Variants in LRCH2 observed in about 807,000 individuals in gnomAD.
LRCH2 encodes leucine-rich repeat and calponin homology domain-containing protein 2.
LRCH2 carries 38 observed loss-of-function variants against 68.9 expected under a neutral mutation model. The ratio of observed to expected loss-of-function variants is 0.55; its 90% CI spans 0.43 to 0.72. LRCH2 has a LOEUF of 0.72. Ranked by LOEUF, LRCH2 falls within the 30% of genes least tolerant of loss-of-function variation. The pLI is 0.00. For missense variants in LRCH2, 528 were observed against 572.9 expected (o/e 0.92, Z 0.80); for synonymous variants, 191 against 208.1 (o/e 0.92, Z 0.71).
At chrX:115,115,622 T>C (rs2072075257) in intron 20 of LRCH2, among the ~76,000 whole-genome samples, 1 of 110,654 alleles carries the variant, frequency 9.0e-6, no homozygotes, top group Non-Finnish European at 1.9e-5. Flanking sequence ...CAGGTGTAAA[T>C]CTTTGTGACC....
chrX:115,137,159 T>G (rs1418497557), intron 14 of LRCH2, among the ~76,000 whole-genome samples: 6 of 111,401 alleles, frequency 5.4e-5, no homozygotes, highest in African/African-American at 2.0e-4. Flanking sequence ...AGCCAGAGAA[T>G]TATCCAACGG....
intron 1 of LRCH2, among the ~76,000 whole-genome samples, chrX:115,233,363 C>G (rs2073165022): frequency 8.9e-6 from 1 of 111,864 alleles, no homozygotes; most frequent in African/African-American, 3.2e-5. Flanking sequence ...CCGGGAAAGA[C>G]GGGAAGATCC....
Position 115,190,625 on chromosome X carries a change from G to GCTCGCCCAACGCCCACAGCGGAGGCCA in LRCH2, c.350-2256_350-2255insTGGCCTCCGCTGTGGGCGTTGGGCGAG, listed in dbSNP as rs1556557648. 52 of 1,158,237 alleles carry GCTCGCCCAACGCCCACAGCGGAGGCCA rather than the reference G, an allele frequency of 4.5e-5. 1 individual carries two copies. The Middle Eastern group carries it at 9.3e-4, about 21-fold the overall frequency. ...GGCTGCTACGAGGAGTACAGAGGCC[G>GCTCGCCCAACGCCCACAGCGGAGGCCA]CTCGCCCGACGCCCACAGCGGGGGC... On this transcript the variant is annotated intron_variant, in intron 1 of 20. Transcript: ENST00000317135.
In LRCH2 at chrX:115,157,031, G is replaced by A. The variant is rs782645129; in HGVS notation, c.1464-364C>T. Among the ~76,000 whole-genome samples, 5 of 111,246 alleles carry A rather than the reference G, an allele frequency of 4.5e-5. No homozygotes were observed. The East Asian group carries it at 1.4e-3, about 31-fold the overall frequency. On this transcript the variant is annotated intron_variant, in intron 11 of 20. Transcript: ENST00000317135. ...AGCAAATGATATGAGGTATGTTTAT[G>A]TAATACATAGTTATTTTGCCAAATG...
intron 1 of LRCH2, among the ~76,000 whole-genome samples, chrX:115,206,696 G>A (rs2072969830): frequency 9.0e-6 from 1 of 111,379 alleles, no homozygotes; most frequent in Admixed American, 9.6e-5. Context: ...TCTGAAGGCT[G>A]TGAGACCCCT....
intron 10 of LRCH2, among the ~76,000 whole-genome samples, chrX:115,164,146 T>C (rs1287353308): frequency 9.0e-6 from 1 of 111,674 alleles, no homozygotes; most frequent in African/African-American, 3.2e-5. Flanking sequence ...TACATAAATT[T>C]AAAATATTGT....
intron 1 of LRCH2, chrX:115,192,868 G>A (rs1556561760): frequency 2.5e-6 from 1 of 395,330 alleles, no homozygotes; most frequent in Non-Finnish European, 4.5e-6. Flanking sequence ...TATAAGATAT[G>A]AACCTGAGTC....
intron 11 of LRCH2, among the ~76,000 whole-genome samples, chrX:115,158,077 T>G (rs1407492208): frequency 8.9e-6 from 1 of 111,992 alleles, no homozygotes; most frequent in Non-Finnish European, 1.9e-5. Context: ...ACATCTAGAT[T>G]ATTAACATAC....
intron 6 of LRCH2, among the ~76,000 whole-genome samples, chrX:115,167,981 C>T (rs1490635999): frequency 1.8e-5 from 2 of 112,129 alleles, no homozygotes; most frequent in Non-Finnish European, 3.8e-5. Context: ...GCACTAAGTG[C>T]TCTACATACA....
chrX:115,207,119 C>A (rs2072973955), intron 1 of LRCH2, among the ~76,000 whole-genome samples: 1 of 110,484 alleles, frequency 9.1e-6, no homozygotes, highest in Non-Finnish European at 1.9e-5. Context: ...TATACTAGGG[C>A]AACTAGAAAA....
At chrX:115,231,451 C>T (rs1438010753) in intron 1 of LRCH2, among the ~76,000 whole-genome samples, 1 of 111,217 alleles carries the variant, frequency 9.0e-6, no homozygotes, top group African/African-American at 3.3e-5. Context: ...CTAAAAATTT[C>T]GTGGCTAAAT....
intron 1 of LRCH2, among the ~76,000 whole-genome samples, chrX:115,194,284 A>C (rs1569516249): frequency 8.9e-6 from 1 of 111,858 alleles, no homozygotes; most frequent in Non-Finnish European, 1.9e-5. Context: ...ATAACTAAAA[A>C]AACAATAGAA....
chrX:115,140,060 C>T (rs781816289), intron 14 of LRCH2, among the ~76,000 whole-genome samples: 3 of 111,100 alleles, frequency 2.7e-5, no homozygotes, highest in Non-Finnish European at 5.7e-5. Flanking sequence ...CTCCCCCAAC[C>T]CCAGACAGTG....
In LRCH2 at chrX:115,122,564, T is replaced by C; in HGVS notation, c.2141A>G (p.Asn714Ser). Reference sequence around the variant, plus strand: ...CAACTTTTTACAAGCATCAAGAAAATTTTCTACATTTCTTCGACATTTTGC... The same window carrying C: ...CAACTTTTTACAAGCATCAAGAAAACTTTCTACATTTCTTCGACATTTTGC... ...SMAKCRRNVE[N>S]FLDACKKLGV... is the part of the protein sequence containing the mutation. Residue 714 changes from asparagine (N) to serine (S), a missense_variant, in exon 20 of 21, where the codon AAT becomes AGT. Transcript: ENST00000317135. 3 of 1,210,475 alleles carry C rather than the reference T, an allele frequency of 2.5e-6. No homozygotes were observed. The highest frequency in any genetic ancestry group is 3.5e-5 in the African/African-American group (2 of 57,735).
intron 1 of LRCH2, chrX:115,190,670 G>A (rs184007528): frequency 1.7e-6 from 2 of 1,148,169 alleles, no homozygotes; most frequent in Non-Finnish European, 2.3e-6. Flanking sequence ...TCCAGCAACA[G>A]TTACGGCCAG....
At chrX:115,156,217 T>C (rs1443551660) in intron 12 of LRCH2, among the ~76,000 whole-genome samples, 1 of 111,710 alleles carries the variant, frequency 9.0e-6, no homozygotes, top group Non-Finnish European at 1.9e-5. Flanking sequence ...ATTTATATCA[T>C]GTATTCACAT....
intron 20 of LRCH2, among the ~76,000 whole-genome samples, chrX:115,117,250 A>G (rs1433589962): frequency 8.9e-6 from 1 of 111,861 alleles, no homozygotes; most frequent in Non-Finnish European, 1.9e-5. Flanking sequence ...AAGTCAGTAC[A>G]TACATATCAC....
At chrX:115,217,802 A>G (rs2073051858) in intron 1 of LRCH2, among the ~76,000 whole-genome samples, 1 of 111,838 alleles carries the variant, frequency 8.9e-6, no homozygotes, top group Non-Finnish European at 1.9e-5. Flanking sequence ...AGGAATTGCC[A>G]CACTGTCTTC....
rs781899786 is a variant in LRCH2 at position 115,234,091 on chromosome X, G to C, written c.-50C>G. On this transcript the variant is annotated 5_prime_UTR_variant, in exon 1 of 21. Coordinates refer to ENST00000317135, the MANE Select transcript of LRCH2 (RefSeq NM_020871.4). ...CGACAATACTGTCAGCCTGTGCCGC[G>C]AGTGTAAGGGGTTCTTAGGACGCAT... 2.6e-6 allele frequency: 3 copies of C among 1,140,880 alleles called. No homozygotes were observed. Among genetic ancestry groups the C allele is most frequent in the Admixed American group, 2.7e-5 (1 of 36,785 alleles). 94.0% of individuals were successfully genotyped at this position (1,140,880 alleles called of 1,213,427 possible).
Sources: gnomAD v4.1 joint callset for allele counts (sites outside exome capture counted in the v4.1 genomes callset) on GRCh38, gnomAD v4.1.1 for gene constraint, MANE v1.5 for transcripts, NCBI Gene and HGNC (gene_info 2026-07-23, HGNC 2026-07-21) for gene names.